Variants in CDYL observed in about 807,000 individuals in gnomAD.
CDYL encodes chromodomain Y like, also known as chromodomain Y-like protein.
CDYL carries 8 observed loss-of-function variants against 47.3 expected under a neutral mutation model. That is an observed-to-expected ratio of 0.17 (90% CI 0.10 to 0.31). The LOEUF (loss-of-function observed/expected upper bound fraction) is 0.31. Ranked by LOEUF, CDYL falls within the 10% of genes least tolerant of loss-of-function variation. The pLI is 1.00. For missense variants in CDYL, 471 were observed against 701.4 expected (o/e 0.67, Z 3.71); for synonymous variants, 266 against 265.0 (o/e 1.00, Z -0.04).
chr6:4,790,204 A>T (rs1312208184), intron 1 of CDYL, among the ~76,000 whole-genome samples: 1 of 152,216 alleles, frequency 6.6e-6, no homozygotes. Flanking sequence ...GTGGTATTTG[A>T]AAGCCTTGAG....
chr6:4,870,683 C>T (rs959724438), intron 1 of CDYL, among the ~76,000 whole-genome samples: 12 of 152,110 alleles, frequency 7.9e-5, no homozygotes, highest in African/African-American at 1.4e-4. Flanking sequence ...TCTGAGGTTT[C>T]GTTTTTCTTA....
intron 1 of CDYL, among the ~76,000 whole-genome samples, chr6:4,820,041 C>A (rs572001582): frequency 4.1e-4 from 63 of 152,142 alleles, no homozygotes; most frequent in Non-Finnish European, 6.5e-4. Flanking sequence ...CCATCCTAGG[C>A]CGTGGTGGGG....
chr6:4,951,978 A>T (rs1241915184), intron 5 of CDYL, among the ~76,000 whole-genome samples: 4 of 152,138 alleles, frequency 2.6e-5, no homozygotes, highest in Non-Finnish European at 5.9e-5. Context: ...TTTCTATTTT[A>T]GATTTCTTTA....
At chr6:4,786,361 G>A (rs1758756909) in intron 1 of CDYL, among the ~76,000 whole-genome samples, 1 of 151,864 alleles carries the variant, frequency 6.6e-6, no homozygotes, top group Non-Finnish European at 1.5e-5. Flanking sequence ...CTGTGGATTA[G>A]TGGCCCTGTG....
At chr6:4,802,530 C>T (rs1406887354) in intron 1 of CDYL, among the ~76,000 whole-genome samples, 2 of 152,010 alleles carry the variant, frequency 1.3e-5, no homozygotes, top group Non-Finnish European at 2.9e-5. Flanking sequence ...CAGAGTGAGA[C>T]CCTACCTCAA....
intron 3 of CDYL, chr6:4,734,865 G>A (rs762306769): frequency 2.0e-5 from 32 of 1,613,492 alleles, no homozygotes; most frequent in African/African-American, 2.7e-5. Flanking sequence ...GTTTCTCCCA[G>A]TGGCAAGCTT....
intron 1 of CDYL, among the ~76,000 whole-genome samples, chr6:4,818,968 A>G (rs571893873): frequency 2.6e-5 from 4 of 152,124 alleles, no homozygotes; most frequent in African/African-American, 7.2e-5. Context: ...TGTCACTGCT[A>G]TCCTCTCTGT....
intron 3 of CDYL, among the ~76,000 whole-genome samples, chr6:4,753,992 G>A (rs1163670872): frequency 6.6e-6 from 1 of 151,818 alleles, no homozygotes; most frequent in Non-Finnish European, 1.5e-5. Flanking sequence ...TTTGTAAATC[G>A]ACTTGTTTTT....
intron 2 of CDYL, among the ~76,000 whole-genome samples, chr6:4,893,813 C>G (rs1762120913): frequency 6.6e-6 from 1 of 152,226 alleles, no homozygotes; most frequent in South Asian, 2.1e-4. Context: ...GAGCTACTTT[C>G]CTCTAAAGCG....
Position 4,740,302 on chromosome 6 carries a change from G to A in CDYL, c.186+5458G>A, listed in dbSNP as rs377133997. On this transcript the variant is annotated intron_variant, in intron 3 of 8. Transcript: ENST00000328908. ...TGAGCCTTGAGCCTCATGTCAAGCC[G>A]GTGCTTCTCAACCTGGGGACAATTT... 7.1e-4 allele frequency among the ~76,000 whole-genome samples: 108 copies of A among 152,206 alleles called. 1 individual carries two copies. In the South Asian group the frequency reaches 0.016, roughly 23 times the overall value.
chr6:4,930,353 C>A (rs1177916339), intron 2 of CDYL, among the ~76,000 whole-genome samples: 4 of 152,240 alleles, frequency 2.6e-5, no homozygotes, highest in Non-Finnish European at 5.9e-5. Flanking sequence ...TTTTCCATAT[C>A]ATGTCTCACA....
At chr6:4,804,311 G>T (rs1374736583) in intron 1 of CDYL, among the ~76,000 whole-genome samples, 3 of 152,192 alleles carry the variant, frequency 2.0e-5, no homozygotes, top group African/African-American at 7.2e-5. Flanking sequence ...ATTCAGTCAT[G>T]TTGAAGTGCG....
chr6:4,789,102 G>T (rs564312339), intron 1 of CDYL, among the ~76,000 whole-genome samples: 2 of 152,252 alleles, frequency 1.3e-5, no homozygotes, highest in South Asian at 4.1e-4. Flanking sequence ...TTGAGACAGG[G>T]TCTTGCTCTG....
At position 4,888,410 on chromosome 6, in the gene CDYL, A is replaced by G. The variant is rs1168961751; in HGVS notation, c.25-3303A>G. ...TCTAGGAATTTGTTTATTTCATCTGAGTTGTTAAAATTATTGGCATATAGT... is the reference window on the plus strand; with the variant it reads ...TCTAGGAATTTGTTTATTTCATCTGGGTTGTTAAAATTATTGGCATATAGT... On this transcript the variant is annotated intron_variant, in intron 1 of 6. Transcript: ENST00000397588. Among the ~76,000 whole-genome samples, 2 of 151,688 alleles carry G rather than the reference A, an allele frequency of 1.3e-5. 1 individual carries two copies. The highest frequency in any genetic ancestry group is 2.9e-5 in the Non-Finnish European group (2 of 67,974).
chr6:4,746,216 G>A (rs1291346831), intron 3 of CDYL, among the ~76,000 whole-genome samples: 2 of 151,500 alleles, frequency 1.3e-5, no homozygotes, highest in Non-Finnish European at 2.9e-5. Context: ...GTACAAAAAC[G>A]AGCCAGGCGT....
intron 1 of CDYL, among the ~76,000 whole-genome samples, chr6:4,796,587 T>C (rs941193254): frequency 2.6e-5 from 4 of 152,230 alleles, no homozygotes; most frequent in African/African-American, 9.6e-5. Flanking sequence ...TTTAGATGTA[T>C]ACAAATTCAT....
At chr6:4,892,416 T>A (rs772431591) in intron 2 of CDYL, 37 bp downstream of exon 2, 2 of 1,549,088 alleles carry the variant, frequency 1.3e-6, no homozygotes, top group Non-Finnish European at 1.7e-6. Context: ...TCCGTGGTGA[T>A]CCCAGAGGGC....
chr6:4,904,512 C>G (rs1458497151), intron 2 of CDYL, among the ~76,000 whole-genome samples: 2 of 152,248 alleles, frequency 1.3e-5, no homozygotes, highest in Non-Finnish European at 2.9e-5. Context: ...TTCTTCCATT[C>G]ACTGCGCCCC....
intron 1 of CDYL, among the ~76,000 whole-genome samples, chr6:4,711,763 G>T (rs1281261559): frequency 6.6e-6 from 1 of 152,124 alleles, no homozygotes; most frequent in Admixed American, 6.5e-5. Flanking sequence ...ACCACCAAGC[G>T]AGTATAAAAG....
Sources: allele counts gnomAD v4.1 joint callset (sites outside exome capture counted in the v4.1 genomes callset), GRCh38; gene constraint gnomAD v4.1.1; transcripts MANE v1.5; gene names NCBI Gene and HGNC (gene_info 2026-07-23, HGNC 2026-07-21).